The following WLS variants were observed in gnomAD, a reference collection of about 807,000 sequenced individuals.
WLS encodes the protein protein wntless homolog.
In WLS, 23 loss-of-function variants were observed where a neutral mutation model predicts 62.8. That is an observed-to-expected ratio of 0.37 (90% confidence interval 0.26 to 0.52). WLS has a LOEUF of 0.52. Ranked by LOEUF, WLS falls within the 20% of genes least tolerant of loss-of-function variation. WLS has a pLI of 0.92. For missense variants in WLS, 615 were observed against 697.3 expected (o/e 0.88, Z 1.33); for synonymous variants, 246 against 244.1 (o/e 1.01, Z -0.07).
intron 10 of WLS, chr1:68,138,308 T>G: frequency 4.8e-6 from 1 of 209,730 alleles, no homozygotes; most frequent in Non-Finnish European, 9.6e-6. Context: ...TAGATGTCAA[T>G]TCCCTGCAGG....
At chr1:68,207,929 G>T (rs1268587885) in intron 1 of WLS, among the ~76,000 whole-genome samples, 1 of 152,248 alleles carries the variant, frequency 6.6e-6, no homozygotes, top group Admixed American at 6.5e-5. Context: ...GGGAGATGAA[G>T]ACCTACTCCA....
chr1:68,099,017 C>G (rs926890960), intron 11 of WLS, among the ~76,000 whole-genome samples: 1 of 152,072 alleles, frequency 6.6e-6, no homozygotes, highest in South Asian at 2.1e-4. Flanking sequence ...TTTTCCAACA[C>G]CTCCCGAGCA....
chr1:68,145,879 A>T lies in WLS; in HGVS notation c.1268T>A (p.Leu423Gln). The change falls in exon 9 of 12, where the codon CTA becomes CAA. Residue 423 changes from leucine to glutamine, a missense_variant. Physicochemically the swap from Leu to Gln is moderately radical, Grantham distance 113 (BLOSUM62 -2). Transcript: ENST00000262348. ...AAGAAATCTGCCCACCTCATAGTGTAGCCGCCGGACTTTGCTCATAGCTGG... is the reference window on the plus strand; with the variant it reads ...AAGAAATCTGCCCACCTCATAGTGTTGCCGCCGGACTTTGCTCATAGCTGG... ...SLPAMSKVRR[L>Q]HYEGLIFRFK... 6.2e-7 allele frequency: 1 copy of T among 1,614,194 alleles called. No individual in the cohort carries two copies. Among genetic ancestry groups the T allele is most frequent in the South Asian group, 1.1e-5 (1 of 91,076 alleles).
At chr1:68,209,064 C>G (rs1177317043) in intron 1 of WLS, among the ~76,000 whole-genome samples, 1 of 152,086 alleles carries the variant, frequency 6.6e-6, no homozygotes, top group Non-Finnish European at 1.5e-5. Context: ...GGCTTGTGCA[C>G]TGGAGGATAT....
intron 2 of WLS, among the ~76,000 whole-genome samples, chr1:68,161,250 G>A (rs371931856): frequency 3.9e-5 from 6 of 152,226 alleles, no homozygotes; most frequent in Admixed American, 6.5e-5. Flanking sequence ...AATCCTATGC[G>A]AGCAAGTGTC....
At chr1:68,110,007 T>TAAAAAAAAAAAAAA (rs11290966) in intron 11 of WLS, among the ~76,000 whole-genome samples, 1 of 28,450 alleles carries the variant, frequency 3.5e-5, no homozygotes, top group Non-Finnish European at 6.3e-5. Context: ...ACACAAAAAG[T>TAAAAAAAAAAAAAA]AAAAAAAAAA....
In WLS at chr1:68,098,709, C is replaced by T. The variant is rs183122334; in HGVS notation, c.1555G>A (p.Val519Ile). Residue 519 changes from valine (V) to isoleucine (I), a missense_variant, in exon 12 of 12, where the codon GTT (valine) becomes ATT (isoleucine). Coordinates refer to the WLS transcript ENST00000354777. ...AACAATTCTTGATAAAGTTCCGAAACAAACAAAGCACAATCTTCCCTCGAT... is the reference window on the plus strand; with the variant it reads ...AACAATTCTTGATAAAGTTCCGAAATAAACAAAGCACAATCTTCCCTCGAT... 5.3e-5 allele frequency: 86 copies of T among 1,613,722 alleles called. 1 individual carries two copies. The South Asian group carries it at 9.2e-4, about 17-fold the overall frequency.
chr1:68,222,165 C>T (rs561679573), intron 1 of WLS, among the ~76,000 whole-genome samples: 5 of 152,236 alleles, frequency 3.3e-5, no homozygotes, highest in South Asian at 2.1e-4. Context: ...TAAAACTAGA[C>T]GCAAGGACTG....
chr1:68,126,119 A>C lies in WLS; in HGVS notation c.*107T>G, dbSNP rs569993471. 1.3e-6 allele frequency: 2 copies of C among 1,497,182 alleles called. No homozygotes were observed. Among genetic ancestry groups the C allele is most frequent in the South Asian group, 2.8e-5 (2 of 72,220 alleles). 92.7% of individuals were successfully genotyped at this position (1,497,182 alleles called of 1,614,324 possible). ...GCTGGTCCAAGAAACCACAGCTAAG[A>C]GCCATGAGGCATTCATTTGTACATT... On this transcript the variant is annotated 3_prime_UTR_variant, in exon 12 of 12. Coordinates refer to ENST00000262348, the MANE Select transcript of WLS (RefSeq NM_024911.7).
downstream of WLS, among the ~76,000 whole-genome samples, chr1:68,122,357 G>C (rs1194315552): frequency 6.6e-6 from 1 of 152,154 alleles, no homozygotes; most frequent in Non-Finnish European, 1.5e-5. Flanking sequence ...AGAATTGTTA[G>C]AGCTTTATCT....
chr1:68,107,983 A>G (rs1445452450), intron 11 of WLS, among the ~76,000 whole-genome samples: 2 of 152,188 alleles, frequency 1.3e-5, no homozygotes, highest in Non-Finnish European at 2.9e-5. Flanking sequence ...CCAGCTAGGG[A>G]CAATCCCGAG....
At chr1:68,148,465 C>T in intron 7 of WLS, 98 bp downstream of exon 7, 1 of 1,322,060 alleles carries the variant, frequency 7.6e-7, no homozygotes, top group South Asian at 1.3e-5. Context: ...CCAAAGGTTC[C>T]CGACCACCAT....
intron 1 of WLS, among the ~76,000 whole-genome samples, chr1:68,223,045 T>C (rs1650005543): frequency 6.6e-6 from 1 of 152,192 alleles, no homozygotes; most frequent in African/African-American, 2.4e-5. Flanking sequence ...TGTCTCATCC[T>C]ATGTCCTCAT....
chr1:68,098,729 C>T (rs770620367), exon 12 of WLS: 124 of 1,613,632 alleles, frequency 7.7e-5, no homozygotes, highest in Non-Finnish European at 1.0e-4. Flanking sequence ...ACAATCTTCC[C>T]TCGATTTACA....
chr1:68,209,147 G>C (rs1045339116), intron 1 of WLS, among the ~76,000 whole-genome samples: 2 of 152,156 alleles, frequency 1.3e-5, no homozygotes, highest in South Asian at 4.1e-4. Flanking sequence ...AAGTTCAGGG[G>C]GGGTGTGGGT....
chr1:68,187,227 T>C (rs1255124323), intron 2 of WLS, among the ~76,000 whole-genome samples: 1 of 118,922 alleles, frequency 8.4e-6, no homozygotes, highest in Non-Finnish European at 1.7e-5. Flanking sequence ...AGCCAAAATG[T>C]GTTGCTGCTA....
At chr1:68,105,984 T>C (rs376916127) in intron 11 of WLS, among the ~76,000 whole-genome samples, 1 of 152,142 alleles carries the variant, frequency 6.6e-6, no homozygotes, top group African/African-American at 2.4e-5. Flanking sequence ...ACTTCTCTTT[T>C]TTCCTTCAGA....
At chr1:68,128,169 T>C (rs12096889) in intron 11 of WLS, among the ~76,000 whole-genome samples, 5,251 of 152,208 alleles carry the variant, frequency 0.034, 110 homozygotes, top group Middle Eastern at 0.099. Context: ...ACATCCACAT[T>C]CATCTGCCCT....
chr1:68,208,387 G>T (rs1242086607), intron 1 of WLS, among the ~76,000 whole-genome samples: 1 of 152,092 alleles, frequency 6.6e-6, no homozygotes, highest in East Asian at 1.9e-4. Context: ...TTGCTAGATG[G>T]ATTCTTTGAG....
Sources: gnomAD v4.1 joint callset for allele counts (sites outside exome capture counted in the v4.1 genomes callset) on GRCh38, gnomAD v4.1.1 for gene constraint, MANE v1.5 for transcripts, NCBI Gene and HGNC (gene_info 2026-07-23, HGNC 2026-07-21) for gene names.